FCHO2: variants seen among roughly 807,000 people sequenced by gnomAD.
FCHO2 encodes the protein F-BAR domain only protein 2.
In FCHO2, 43 loss-of-function variants were observed where a neutral mutation model predicts 114.1. The ratio of observed to expected loss-of-function variants is 0.38; its 90% CI spans 0.30 to 0.49. The LOEUF (loss-of-function observed/expected upper bound fraction) is 0.49, where lower values mean the gene tolerates loss of function less well. FCHO2 is among the 20% of genes least tolerant of loss of function. FCHO2 has a pLI of 0.97. For synonymous variants in FCHO2, 293 were observed against 315.2 expected, an observed-to-expected ratio of 0.93 and a Z score of 0.75; for missense variants, 807 against 950.4, an observed-to-expected ratio of 0.85 and a Z score of 1.98.
In FCHO2 at chr5:73,081,783, G is replaced by A. The variant is rs1743099301; in HGVS notation, c.1981G>A (p.Val661Ile). 2 of 1,501,940 alleles carry A rather than the reference G, an allele frequency of 1.3e-6. No individual in the cohort carries two copies. The highest frequency in any genetic ancestry group is 1.8e-6 in the Non-Finnish European group (2 of 1,117,922). The allele number at this position is 1,501,940 out of a possible 1,614,324, so 93.0% of individuals were successfully genotyped here. A position where few individuals can be genotyped will look rare whatever the true frequency, so the allele number is the denominator to read the frequency against. Residue 661 changes from valine to isoleucine, a missense_variant and splice_region_variant, in exon 23 of 26, where the codon GTA (valine) becomes ATA (isoleucine). Transcript: ENST00000430046. ...YYNVDVLKYQ[V>I]SSNGIQSTPL... ...ATTGTTTGTTCTTTTCTCTTTAAAG[G>A]TATCATCAAATGGTATTCAGTCCAC...
intron 6 of FCHO2, among the ~76,000 whole-genome samples, chr5:73,010,760 C>T (rs1009375180): frequency 1.3e-5 from 2 of 151,116 alleles, no homozygotes; most frequent in Non-Finnish European, 2.9e-5. Flanking sequence ...GCCTATAATC[C>T]CAGTTATTTG....
chr5:73,061,623 T>C (rs1757855283), intron 17 of FCHO2, among the ~76,000 whole-genome samples: 3 of 152,216 alleles, frequency 2.0e-5, no homozygotes, highest in South Asian at 4.1e-4. Flanking sequence ...ATCTCTACTT[T>C]ATTCTGCTGT....
chr5:73,075,564 G>C (rs1325151660), intron 20 of FCHO2, among the ~76,000 whole-genome samples: 1 of 152,178 alleles, frequency 6.6e-6, no homozygotes, highest in Non-Finnish European at 1.5e-5. Context: ...TGGAAAGCCA[G>C]TGGAGGCTTT....
chr5:73,040,403 T>G (rs1678316361), intron 10 of FCHO2, among the ~76,000 whole-genome samples: 1 of 152,178 alleles, frequency 6.6e-6, no homozygotes, highest in African/African-American at 2.4e-5. Context: ...ATGCTCAGCC[T>G]GCTTTGTGTG....
At chr5:72,963,389 C>T (rs1042166039) in intron 1 of FCHO2, among the ~76,000 whole-genome samples, 1 of 152,160 alleles carries the variant, frequency 6.6e-6, no homozygotes, top group African/African-American at 2.4e-5. Context: ...CCTATAGCCT[C>T]TCCCTCTACC....
chr5:73,067,387 G>GTA (rs1167823255), intron 18 of FCHO2, among the ~76,000 whole-genome samples: 20 of 151,904 alleles, frequency 1.3e-4, no homozygotes, highest in African/African-American at 4.8e-4. Context: ...CTTGGTCTGC[G>GTA]TATATACACA....
chr5:73,029,948 G>T (rs764756887), intron 8 of FCHO2, among the ~76,000 whole-genome samples: 1 of 151,970 alleles, frequency 6.6e-6, no homozygotes, highest in Non-Finnish European at 1.5e-5. Context: ...CATCCAAACC[G>T]TATCAGGTAC....
intron 2 of FCHO2, among the ~76,000 whole-genome samples, chr5:72,972,705 C>A (rs1395310157): frequency 6.6e-6 from 1 of 152,098 alleles, no homozygotes; most frequent in Non-Finnish European, 1.5e-5. Context: ...CCTTCTCCTG[C>A]CTAATTGCCC....
At chr5:73,058,019 A>AT (rs1554073687) in intron 16 of FCHO2, among the ~76,000 whole-genome samples, 2 of 151,648 alleles carry the variant, frequency 1.3e-5, no homozygotes, top group African/African-American at 4.8e-5. Flanking sequence ...AAAAAAAATT[A>AT]TTTTTTTTAC....
rs60234739 is a variant in FCHO2 at position 72,979,378 on chromosome 5, C to CTTTTTTTTTTTT, written c.126-10029_126-10018dup. Among the ~76,000 whole-genome samples, 3 of 49,770 alleles carry CTTTTTTTTTTTT rather than the reference C, an allele frequency of 6.0e-5. 1 individual carries two copies. The highest frequency in any genetic ancestry group is 1.0e-4 in the Non-Finnish European group (3 of 29,552). The allele number at this position is 49,770 out of a possible 152,430, so 32.7% of individuals were successfully genotyped here. A position where few individuals can be genotyped will look rare whatever the true frequency, so the allele number is the denominator to read the frequency against. On this transcript the variant is annotated intron_variant, in intron 2 of 25. Coordinates refer to ENST00000430046, the MANE Select transcript of FCHO2 (RefSeq NM_138782.3). ...TATGTGTCCAGGAATTTATCAATTT[C>CTTTTTTTTTTTT]TTTTTTTTTTTTTTTTTTTTTTTTT... is the stretch of plus-strand genomic sequence containing the variant.
rs181032922 is a variant in FCHO2 at position 73,044,957 on chromosome 5, A to T, written c.939+3642A>T. ...GAATGGGTAAAGATGAACACAGGTA[A>T]TGGGTACGTTTTTATTAATATCAGG... On this transcript the variant is annotated intron_variant, in intron 11 of 25. Coordinates refer to ENST00000430046, the MANE Select transcript of FCHO2 (RefSeq NM_138782.3). Among the ~76,000 whole-genome samples, 19 of 152,320 alleles carry T rather than the reference A, an allele frequency of 1.2e-4. 1 individual carries two copies. The highest frequency in any genetic ancestry group is 4.6e-4 in the African/African-American group (19 of 41,586).
Position 73,066,694 on chromosome 5 carries a change from C to G in FCHO2, c.1450-1956C>G, listed in dbSNP as rs368847351. ...TCCTCCCTACCCACTGAAAGAACCA[C>G]TCATTGTTCTAGAGCAGGGGCACCC... On this transcript the variant is annotated intron_variant, in intron 18 of 25. Coordinates refer to ENST00000430046, the MANE Select transcript of FCHO2 (RefSeq NM_138782.3). Among the ~76,000 whole-genome samples the G allele has an allele frequency of 4.0e-5, 6 of 150,704 alleles. No homozygotes were observed. The South Asian group carries it at 1.3e-3, about 32-fold the overall frequency.
At chr5:73,040,671 A>G (rs1271308987) in intron 10 of FCHO2, among the ~76,000 whole-genome samples, 3 of 152,206 alleles carry the variant, frequency 2.0e-5, no homozygotes, top group South Asian at 2.1e-4. Flanking sequence ...TCAGTTCTCA[A>G]CTACATATTA....
chr5:73,073,079 A>G (rs1451311657), intron 19 of FCHO2, among the ~76,000 whole-genome samples: 1 of 152,056 alleles, frequency 6.6e-6, no homozygotes, highest in Non-Finnish European at 1.5e-5. Context: ...ATATATTTTT[A>G]TATTTATAAT....
Position 72,996,932 on chromosome 5 carries a change from CA to C in FCHO2, c.495+6069del, listed in dbSNP as rs539492095. The C allele has an allele frequency of 2.4e-4, 390 of 1,601,874 alleles. 11 individuals are homozygous for C. In the South Asian group the frequency reaches 4.2e-3, roughly 17 times the overall value. On this transcript the variant is annotated intron_variant, in intron 5 of 25. Transcript: ENST00000430046. The stretch of plus-strand genomic sequence containing the variant: ...CAGGGTCATCAGGATGATGCGGACG[CA>C]GTGTCTGCTGGGGCTGCGCACGTTC...
At chr5:73,061,488 T>C (rs945625887) in intron 17 of FCHO2, among the ~76,000 whole-genome samples, 1 of 152,050 alleles carries the variant, frequency 6.6e-6, no homozygotes, top group Non-Finnish European at 1.5e-5. Context: ...TCTGAACTTG[T>C]AGAGCAGAGT....
chr5:72,994,245 A>G (rs190798305), intron 5 of FCHO2, among the ~76,000 whole-genome samples: 272 of 152,158 alleles, frequency 1.8e-3, no homozygotes, highest in Middle Eastern at 0.01. Context: ...CATCTGACAA[A>G]GGTCTGACAT....
intron 24 of FCHO2, among the ~76,000 whole-genome samples, chr5:73,084,441 T>C (rs1743225562): frequency 6.6e-6 from 1 of 152,128 alleles, no homozygotes; most frequent in Non-Finnish European, 1.5e-5. Flanking sequence ...AATTTTTGTA[T>C]TTTTAGTAGA....
intron 2 of FCHO2, among the ~76,000 whole-genome samples, chr5:72,973,812 T>C (rs1387062729): frequency 6.6e-6 from 1 of 151,184 alleles, no homozygotes; most frequent in African/African-American, 2.4e-5. Flanking sequence ...CAATTTTGGA[T>C]CTTTCCTGCT....
Sources: allele counts gnomAD v4.1 joint callset (sites outside exome capture counted in the v4.1 genomes callset), GRCh38; gene constraint gnomAD v4.1.1; transcripts MANE v1.5; gene names NCBI Gene and HGNC (gene_info 2026-07-23, HGNC 2026-07-21).